SBNO1: variants seen among roughly 807,000 people sequenced by gnomAD.
SBNO1 encodes strawberry notch homolog 1.
A neutral mutation model predicts 173.6 loss-of-function variants in SBNO1; 23 were observed. The ratio of observed to expected loss-of-function variants is 0.13; its 90% CI spans 0.10 to 0.19. The LOEUF (loss-of-function observed/expected upper bound fraction) is 0.19, where lower values mean the gene tolerates loss of function less well. SBNO1 is among the 10% of genes least tolerant of loss of function. The pLI is 1.00. For missense variants in SBNO1, 1,238 were observed against 1,671.2 expected (o/e 0.74, Z 4.52); for synonymous variants, 632 against 571.5 (o/e 1.11, Z -1.51).
In SBNO1 at chr12:123,330,611, A is replaced by G. The variant is rs1404202582; in HGVS notation, c.1044-102T>C. 1.4e-4 allele frequency: 86 copies of G among 611,432 alleles called. 1 individual carries two copies. Among genetic ancestry groups the G allele is most frequent in the East Asian group, 2.4e-4 (8 of 32,936 alleles). The allele number at this position is 611,432 out of a possible 1,614,324, so 37.9% of individuals were successfully genotyped here. A position where few individuals can be genotyped will look rare whatever the true frequency, so the allele number is the denominator to read the frequency against. ...AGGTCTTGACACTTAAAAAAAAAAA[A>G]AAAAAGAAAAAGAAAATACACTTAC... is the stretch of plus-strand genomic sequence containing the variant. On this transcript the variant is annotated intron_variant, in intron 8 of 31. Coordinates refer to ENST00000602398, the MANE Select transcript of SBNO1 (RefSeq NM_001167856.3).
Position 123,314,354 on chromosome 12 carries a change from G to A in SBNO1, c.3121-635C>T, listed in dbSNP as rs140636206. Among the ~76,000 whole-genome samples, 787 of 150,294 alleles carry A rather than the reference G, an allele frequency of 5.2e-3. 4 individuals are homozygous for A. Among genetic ancestry groups the A allele is most frequent in the South Asian group, 0.015 (71 of 4,738 alleles). On this transcript the variant is annotated intron_variant, in intron 23 of 31. Transcript: ENST00000602398. ...ACTAAATTTTTTTTTTCTTTGAGAC[G>A]GAGTCTTGCTCTGTTGACAGGCTGG...
rs116612712 is a variant in SBNO1 at position 123,301,697 on chromosome 12, T to A, written c.3845+1127A>T. ...TGTGCTGTGCTATTAACTTTGGGAA[T>A]CTCCCTGGTTTCTTAGACATTCCCT... On this transcript the variant is annotated intron_variant, in intron 30 of 31. Transcript: ENST00000602398. Among the ~76,000 whole-genome samples the A allele has an allele frequency of 8.0e-3, 1,218 of 152,198 alleles. 21 individuals carry two copies. Among genetic ancestry groups the A allele is most frequent in the African/African-American group, 0.027 (1,125 of 41,534 alleles).
chr12:123,340,199 C>T (rs910571383), intron 5 of SBNO1, among the ~76,000 whole-genome samples: 8 of 152,128 alleles, frequency 5.3e-5, no homozygotes, highest in African/African-American at 1.9e-4. Context: ...AAACCTACTA[C>T]ATATTAACAA....
chr12:123,290,195 T>TTCCCCATGGGCGCCA lies in SBNO1; in HGVS notation c.*5712_*5713insTGGCGCCCATGGGGA, dbSNP rs2048491403. 1 of 152,284 alleles carries TTCCCCATGGGCGCCA rather than the reference T, an allele frequency of 6.6e-6. No homozygotes were observed. Among genetic ancestry groups the TTCCCCATGGGCGCCA allele is most frequent in the South Asian group, 2.1e-4 (1 of 4,836 alleles). The allele number at this position is 152,284 out of a possible 1,614,324, so 9.4% of individuals were successfully genotyped here. On this transcript the variant is annotated 3_prime_UTR_variant, in exon 32 of 32. Transcript: ENST00000602398. ...TTCCCCATGGGCGCCAGAGGGAGACTGAGCAAGGAGGGTCTGCGTGGAGGA... is the reference window on the plus strand; with the variant it reads ...TTCCCCATGGGCGCCAGAGGGAGACTTCCCCATGGGCGCCAGAGCAAGGAGGGTCTGCGTGGAGGA...
rs779928168 is a variant in SBNO1, at chr12:123,319,906, T to C, written c.2793A>G (p.Gly931=). The part of the protein sequence containing the change: ...NITEKQRFMD[G]DKNIAIISEA... Reference sequence around the variant, plus strand: ...GCATCTCAGTAAAACATACCTTATCTCCATCCATAAATCGTTGTTTTTCTG... The same window carrying C: ...GCATCTCAGTAAAACATACCTTATCCCCATCCATAAATCGTTGTTTTTCTG... Residue 931 remains glycine, a synonymous_variant, in exon 20 of 32, where the codon GGA becomes GGG. Coordinates refer to ENST00000602398, the MANE Select transcript of SBNO1 (RefSeq NM_001167856.3). 1.4e-5 allele frequency: 22 copies of C among 1,613,810 alleles called. 1 individual carries two copies. The South Asian group carries it at 2.4e-4, about 18-fold the overall frequency.
intron 1 of SBNO1, chr12:123,363,983 G>A (rs1384150762): frequency 3.8e-5 from 37 of 985,400 alleles, no homozygotes; most frequent in Non-Finnish European, 4.1e-5. Flanking sequence ...AACTCTGGAT[G>A]CTCGTTATGC....
At position 123,311,748 on chromosome 12, in the gene SBNO1, A is replaced by ATT. The variant is rs148426880; in HGVS notation, c.3221-621_3221-620dup. ...TATATATATATATATATATATATATATTTTTGCGACAGAGTCTGACTACGT... is the reference window on the plus strand; with the variant it reads ...TATATATATATATATATATATATATATTTTTTTGCGACAGAGTCTGACTACGT... On this transcript the variant is annotated intron_variant, in intron 24 of 31. Coordinates refer to ENST00000602398, the MANE Select transcript of SBNO1 (RefSeq NM_001167856.3). Among the ~76,000 whole-genome samples, 340 of 134,340 alleles carry ATT rather than the reference A, an allele frequency of 2.5e-3. 2 individuals carry two copies. The highest frequency in any genetic ancestry group is 9.1e-3 in the African/African-American group (317 of 34,846). 88.1% of individuals were successfully genotyped at this position (134,340 alleles called of 152,430 possible). A position where few individuals can be genotyped will look rare whatever the true frequency, so the allele number is the denominator to read the frequency against.
intron 7 of SBNO1, among the ~76,000 whole-genome samples, chr12:123,332,259 A>G (rs1871306518): frequency 6.6e-6 from 1 of 152,148 alleles, no homozygotes; most frequent in Non-Finnish European, 1.5e-5. Flanking sequence ...CCCCTTATCA[A>G]CACCTGCAGA....
At chr12:123,348,006 C>A (rs373310635) in intron 3 of SBNO1, 23 bp downstream of exon 3, 2 of 1,430,860 alleles carry the variant, frequency 1.4e-6, no homozygotes, top group Non-Finnish European at 2.0e-6. Context: ...TTAGAAGTAA[C>A]GACGAATCTA....
intron 1 of SBNO1, among the ~76,000 whole-genome samples, chr12:123,353,282 T>C (rs1270481973): frequency 6.6e-6 from 1 of 152,130 alleles, no homozygotes; most frequent in East Asian, 1.9e-4. Flanking sequence ...ATTTAAGAGC[T>C]GAAACTGAGG....
chr12:123,299,692 A>AAAAC (rs1555244075), intron 30 of SBNO1, among the ~76,000 whole-genome samples: 10 of 151,040 alleles, frequency 6.6e-5, no homozygotes, highest in Non-Finnish European at 1.2e-4. Context: ...AAAAAAAAAA[A>AAAAC]AAAAAAACAA....
At chr12:123,343,894 T>G (rs1013995016) in intron 4 of SBNO1, among the ~76,000 whole-genome samples, 1 of 152,194 alleles carries the variant, frequency 6.6e-6, no homozygotes, top group Non-Finnish European at 1.5e-5. Flanking sequence ...CATACATGGA[T>G]AGTCTTGCTG....
In SBNO1 at chr12:123,327,614, A is replaced by G. The variant is rs1238906210; in HGVS notation, c.1539-35T>C. On this transcript the variant is annotated intron_variant, in intron 12 of 31. Transcript: ENST00000602398. The stretch of plus-strand genomic sequence containing the variant: ...ATTAAAACATACAGTAATTACCAAT[A>G]CAGTAGAATTTTAACATACAGAGAA... 3.7e-6 allele frequency: 6 copies of G among 1,603,518 alleles called. No individual in the cohort carries two copies. The Admixed American group carries it at 6.7e-5, about 18-fold the overall frequency.
chr12:123,339,823 C>T (rs942569723), intron 5 of SBNO1, among the ~76,000 whole-genome samples: 1 of 151,988 alleles, frequency 6.6e-6, no homozygotes, highest in African/African-American at 2.4e-5. Context: ...CAATTCAGGA[C>T]CCTCCATGGA....
At position 123,357,073 on chromosome 12, in the gene SBNO1, CAGTAG is replaced by C. The variant is rs1364165081; in HGVS notation, c.1-6637_1-6633del. Reference sequence around the variant, plus strand: ...ACAAATATTAAGTGTCTACTGTGTGCAGTAGACACTTAAGAACATCAGGAGAAAGA... The same window carrying C: ...ACAAATATTAAGTGTCTACTGTGTGCACACTTAAGAACATCAGGAGAAAGA... On this transcript the variant is annotated intron_variant, in intron 1 of 31. Coordinates refer to ENST00000602398, the MANE Select transcript of SBNO1 (RefSeq NM_001167856.3). Among the ~76,000 whole-genome samples, 929 of 152,206 alleles carry C rather than the reference CAGTAG, an allele frequency of 6.1e-3. 13 individuals carry two copies. The highest frequency in any genetic ancestry group is 0.021 in the African/African-American group (890 of 41,526).
intron 1 of SBNO1, among the ~76,000 whole-genome samples, chr12:123,360,804 C>G (rs28683528): frequency 6.6e-6 from 1 of 151,868 alleles, no homozygotes; most frequent in East Asian, 1.9e-4. Context: ...TTCAACAGTA[C>G]TTTCAGTAAG....
At chr12:123,357,856 T>C (rs977766843) in intron 1 of SBNO1, among the ~76,000 whole-genome samples, 1 of 152,158 alleles carries the variant, frequency 6.6e-6, no homozygotes, top group Non-Finnish European at 1.5e-5. Context: ...GCAAAACCTG[T>C]AGGAAGAAGA....
At chr12:123,357,342 C>A (rs1346881724) in intron 1 of SBNO1, among the ~76,000 whole-genome samples, 1 of 151,998 alleles carries the variant, frequency 6.6e-6, no homozygotes, top group African/African-American at 2.4e-5. Flanking sequence ...CCCAGCTACT[C>A]CAGAGGCTGA....
At chr12:123,333,944 T>C in intron 7 of SBNO1, 109 bp downstream of exon 7, 1 of 654,462 alleles carries the variant, frequency 1.5e-6, no homozygotes, top group Non-Finnish European at 2.4e-6. Context: ...TTCATAAATA[T>C]TACATTTACA....
Sources: gnomAD v4.1 joint callset for allele counts (sites outside exome capture counted in the v4.1 genomes callset) on GRCh38, gnomAD v4.1.1 for gene constraint, MANE v1.5 for transcripts, NCBI Gene and HGNC (gene_info 2026-07-23, HGNC 2026-07-21) for gene names.